The following TEAD3 variants were observed in gnomAD, a reference collection of about 807,000 sequenced individuals.
The protein encoded by TEAD3 is TEA domain transcription factor 3.
TEAD3 carries 15 observed loss-of-function variants against 55.6 expected under a neutral mutation model. That is an observed-to-expected ratio of 0.27 (90% CI 0.18 to 0.42). The LOEUF is 0.42. TEAD3 is among the 10% of genes least tolerant of loss of function. TEAD3 has a pLI of 1.00. For missense variants in TEAD3, 407 were observed against 576.8 expected (o/e 0.71, Z 3.01); for synonymous variants, 210 against 232.2 (o/e 0.90, Z 0.87).
chr6:35,480,260 G>T, intron 3 of TEAD3, 52 bp downstream of exon 4: 1 of 1,599,668 alleles, frequency 6.3e-7, no homozygotes, highest in South Asian at 1.1e-5. Flanking sequence ...AGATAGCGCC[G>T]TGGGTGAGGG....
rs775164233 is a variant in TEAD3 at position 35,479,329 on chromosome 6, GAAGGAAGATAGATTAGAGGA to G, written c.331-33_331-14del. On this transcript the variant is annotated splice_polypyrimidine_tract_variant and intron_variant, in intron 4 of 12. Transcript: ENST00000639578. ...CCAGGTTCATGGCCTGTGAGGGAGA[GAAGGAAGATAGATTAGAGGA>G]CATGTGCAGCACCAGGGCTGTGGGC... The G allele has an allele frequency of 6.2e-7, 1 of 1,614,026 alleles. No homozygotes were observed. Among genetic ancestry groups the G allele is most frequent in the Non-Finnish European group, 8.5e-7 (1 of 1,179,892 alleles).
rs996281170 is a variant in TEAD3 at position 35,496,872 on chromosome 6, C to T, written c.-50+26G>A. ...CCAAACCACCTCTCCCGAGCGGGGC[C>T]TCCTCCCGGCGTCCGCCCGGCTTAC... On this transcript the variant is annotated intron_variant, in intron 1 of 12. Coordinates refer to ENST00000639578, the Ensembl canonical transcript of TEAD3. This position sits in a 1 kb window ranked among gnomAD's most constrained non-coding sequence, Gnocchi z 4.8. The T allele has an allele frequency of 6.6e-6, 1 of 152,108 alleles. No homozygotes were observed. Among genetic ancestry groups the T allele is most frequent in the Non-Finnish European group, 1.5e-5 (1 of 68,034 alleles). 9.4% of individuals were successfully genotyped at this position (152,108 alleles called of 1,614,324 possible).
intron 1 of TEAD3, among the ~76,000 whole-genome samples, chr6:35,495,219 A>C (rs983625249): frequency 6.6e-6 from 1 of 152,206 alleles, no homozygotes; most frequent in Non-Finnish European, 1.5e-5. Flanking sequence ...GAGAATATCA[A>C]ATCCTCCCGG....
downstream of TEAD3, chr6:35,474,095 A>G (rs1289417409): frequency 6.6e-6 from 1 of 151,978 alleles, no homozygotes; most frequent in Non-Finnish European, 1.5e-5. Context: ...GAAAAATCAA[A>G]AGCCTTCTGC....
chr6:35,479,273 C>T (rs1281562698), intron 5 of TEAD3, 32 bp downstream of exon 5: 3 of 1,612,856 alleles, frequency 1.9e-6, no homozygotes, highest in Non-Finnish European at 1.7e-6. Context: ...ACCCTTTCCC[C>T]CACTCCCACT....
intron 3 of TEAD3, among the ~76,000 whole-genome samples, chr6:35,482,450 G>A (rs954292025): frequency 1.3e-5 from 2 of 152,128 alleles, no homozygotes; most frequent in Non-Finnish European, 1.5e-5. Context: ...CCCTTATAAT[G>A]AAGACAGTGG....
In TEAD3 at chr6:35,475,166, T is replaced by C. The variant is rs538849907; in HGVS notation, c.1195-9A>G. The C allele has an allele frequency of 1.3e-6, 2 of 1,571,264 alleles. No homozygotes were observed. The highest frequency in any genetic ancestry group is 1.7e-6 in the Non-Finnish European group (2 of 1,158,214). ...TCCCGGCTCGTGACCACCTGGGGGG[T>C]GAGCAGGTAAGAGATTCAGGAGGTC... On this transcript the variant is annotated splice_polypyrimidine_tract_variant and intron_variant, in intron 12 of 12. Coordinates refer to ENST00000639578, the Ensembl canonical transcript of TEAD3. The surrounding 1 kb of genome is among the most constrained non-coding windows in gnomAD (Gnocchi z 5.4).
chr6:35,495,393 G>A (rs1225328049), intron 1 of TEAD3, among the ~76,000 whole-genome samples: 1 of 152,154 alleles, frequency 6.6e-6, no homozygotes, highest in Non-Finnish European at 1.5e-5. Context: ...GCCCAGATGC[G>A]CTCATTAGCA....
intron 7 of TEAD3, among the ~76,000 whole-genome samples, chr6:35,478,029 T>G (rs1022294697): frequency 2.0e-5 from 3 of 151,680 alleles, no homozygotes; most frequent in Middle Eastern, 3.4e-3. Flanking sequence ...TTTTTTTTTT[T>G]TTTTTGAGAG....
At chr6:35,493,476 C>T (rs890827590) in intron 1 of TEAD3, among the ~76,000 whole-genome samples, 1 of 152,264 alleles carries the variant, frequency 6.6e-6, no homozygotes, top group East Asian at 1.9e-4. Context: ...ATCAGTCACG[C>T]CCCACGGTTT....
chr6:35,495,629 G>A (rs914661910), intron 1 of TEAD3, among the ~76,000 whole-genome samples: 1 of 152,150 alleles, frequency 6.6e-6, no homozygotes, highest in Non-Finnish European at 1.5e-5. Flanking sequence ...AGGGGTCTTG[G>A]TGGGAGGGGG....
intron 5 of TEAD3, among the ~76,000 whole-genome samples, 180 bp from the exon 6 acceptor site, chr6:35,478,751 C>G (rs1401670644): frequency 1.3e-5 from 2 of 152,222 alleles, no homozygotes; most frequent in East Asian, 3.8e-4. Context: ...TCTGCACCTT[C>G]CTGGTCTCAG....
In TEAD3 at chr6:35,486,386, C is replaced by T. The variant is rs1768380745; in HGVS notation, c.202+75G>A. The T allele has an allele frequency of 1.3e-6, 2 of 1,521,976 alleles. No homozygotes were observed. Among genetic ancestry groups the T allele is most frequent in the Non-Finnish European group, 1.8e-6 (2 of 1,130,426 alleles). 94.3% of individuals were successfully genotyped at this position (1,521,976 alleles called of 1,614,324 possible). ...GCCAGCGGCTGGCGGCCTCCGACGT[C>T]ACCAAACCGGTTGGGTGAGAGGGCA... On this transcript the variant is annotated intron_variant, in intron 2 of 12. Coordinates refer to ENST00000639578, the Ensembl canonical transcript of TEAD3. This position sits in a 1 kb window ranked among gnomAD's most constrained non-coding sequence, Gnocchi z 7.3.
intron 5 of TEAD3, 125 bp downstream of exon 5, chr6:35,479,180 T>C (rs1397123633): frequency 3.9e-6 from 5 of 1,277,044 alleles, no homozygotes; most frequent in Non-Finnish European, 5.5e-6. Context: ...GCCCAGCCAT[T>C]TCGTTTTTTT....
intron 1 of TEAD3, among the ~76,000 whole-genome samples, chr6:35,492,869 C>G (rs1561808832): frequency 6.6e-6 from 1 of 152,156 alleles, no homozygotes; most frequent in African/African-American, 2.4e-5. Context: ...CCCTTCACCC[C>G]CTCCCTGGGA....
At position 35,488,177 on chromosome 6, in the gene TEAD3, A is replaced by G. The variant is rs1420379768; in HGVS notation, c.-49-1466T>C. The stretch of plus-strand genomic sequence containing the variant: ...GAGCAGCAGAGAAGGTGCTTGGCCA[A>G]CAGCCTGGCTCAACCTCACCCGCTC... On this transcript the variant is annotated intron_variant, in intron 1 of 12. Transcript: ENST00000639578. The surrounding 1 kb of genome is among the most constrained non-coding windows in gnomAD (Gnocchi z 4.2). Among the ~76,000 whole-genome samples, 2 of 152,168 alleles carry G rather than the reference A, an allele frequency of 1.3e-5. No homozygotes were observed. Among genetic ancestry groups the G allele is most frequent in the Non-Finnish European group, 2.9e-5 (2 of 68,030 alleles).
Position 35,491,519 on chromosome 6 carries a change from C to A in TEAD3, c.-49-4808G>T, listed in dbSNP as rs190448131. Among the ~76,000 whole-genome samples the A allele has an allele frequency of 2.6e-4, 39 of 152,238 alleles. No individual in the cohort carries two copies. The East Asian group carries it at 5.4e-3, about 21-fold the overall frequency. On this transcript the variant is annotated intron_variant, in intron 1 of 12. Transcript: ENST00000639578. This position sits in a 1 kb window ranked among gnomAD's most constrained non-coding sequence, Gnocchi z 4.4. ...CACTGCCAGGGGCTGGGGCTGGCCACCATCCAGGACACCCCCACTCCCATC... is the reference window on the plus strand; with the variant it reads ...CACTGCCAGGGGCTGGGGCTGGCCAACATCCAGGACACCCCCACTCCCATC...
At position 35,485,139 on chromosome 6, in the gene TEAD3, C is replaced by T. The variant is rs1177324913; in HGVS notation, c.203-515G>A. ...CTCTGTCTTTACCCTGGTCAAGTCC[C>T]TTCCCTTCTCTGGTAAAAGACCAGG... On this transcript the variant is annotated intron_variant, in intron 2 of 12. Transcript: ENST00000639578. This position sits in a 1 kb window ranked among gnomAD's most constrained non-coding sequence, Gnocchi z 4.3. Among the ~76,000 whole-genome samples, 2 of 152,204 alleles carry T rather than the reference C, an allele frequency of 1.3e-5. No homozygotes were observed. The highest frequency in any genetic ancestry group is 6.5e-5 in the Admixed American group (1 of 15,284).
rs529280005 is a variant in TEAD3 at position 35,493,321 on chromosome 6, G to A, written c.-50+3577C>T. Among the ~76,000 whole-genome samples, 23 of 42,018 alleles carry A rather than the reference G, an allele frequency of 5.5e-4. 1 individual carries two copies. The South Asian group carries it at 0.011, about 21-fold the overall frequency. The allele number at this position is 42,018 out of a possible 152,430, so 27.6% of individuals were successfully genotyped here. ...CTTTCTCATTGTCTTCCACATAGAT[G>A]CCACACGTCAGGGACCACAGGCCCC... On this transcript the variant is annotated intron_variant, in intron 1 of 12. Coordinates refer to ENST00000639578, the Ensembl canonical transcript of TEAD3.
Sources: allele counts gnomAD v4.1 joint callset (sites outside exome capture counted in the v4.1 genomes callset), GRCh38; gene constraint gnomAD v4.1.1; non-coding constraint Gnocchi (gnomAD v3.1); transcripts MANE v1.5; gene names NCBI Gene and HGNC (gene_info 2026-07-23, HGNC 2026-07-21).